The following CACNA2D3 variants were observed in gnomAD, a reference collection of about 807,000 sequenced individuals.
CACNA2D3 encodes the protein voltage-dependent calcium channel subunit alpha-2/delta-3.
In CACNA2D3, 60 loss-of-function variants were observed where a neutral mutation model predicts 160.6. That is an observed-to-expected ratio of 0.37 (90% CI 0.30 to 0.46). The LOEUF is 0.46. Among genes scored for constraint, CACNA2D3 ranks in the 20% least tolerant of loss-of-function variants. The probability of loss-of-function intolerance (pLI) is 1.00; values close to 1 mark genes in which losing one functional copy is unlikely to be tolerated. For synonymous variants in CACNA2D3, 558 were observed against 492.9 expected (o/e 1.13, Z -1.75); for missense variants, 1,205 against 1,365.0 (o/e 0.88, Z 1.85).
chr3:54,828,192 G>A (rs1703785242), intron 14 of CACNA2D3, among the ~76,000 whole-genome samples: 1 of 152,132 alleles, frequency 6.6e-6, no homozygotes, highest in Admixed American at 6.5e-5. Context: ...GTGTTTTCAG[G>A]GCATCTACTT....
Position 54,122,591 on chromosome 3 carries a change from A to G in CACNA2D3, c.-123A>G. 5.2e-6 allele frequency: 2 copies of G among 380,970 alleles called. No homozygotes were observed. Among genetic ancestry groups the G allele is most frequent in the Non-Finnish European group, 7.0e-6 (2 of 286,642 alleles). The allele number at this position is 380,970 out of a possible 1,614,324, so 23.6% of individuals were successfully genotyped here. ...TCCCCAAGTGAGCCGGGCGCGCGAGAGGCAGGCGGGGCGGCGCGGAGCGGA... is the reference window on the plus strand; with the variant it reads ...TCCCCAAGTGAGCCGGGCGCGCGAGGGGCAGGCGGGGCGGCGCGGAGCGGA... On this transcript the variant is annotated 5_prime_UTR_variant, in exon 1 of 38. Coordinates refer to ENST00000474759, the MANE Select transcript of CACNA2D3 (RefSeq NM_018398.3).
intron 11 of CACNA2D3, among the ~76,000 whole-genome samples, chr3:54,739,673 A>C (rs1486584806): frequency 2.0e-5 from 3 of 151,818 alleles, no homozygotes; most frequent in Admixed American, 2.0e-4. Flanking sequence ...CATGTGTCCT[A>C]TTCAGGGAAA....
chr3:54,304,042 A>C (rs1241674241), intron 2 of CACNA2D3, among the ~76,000 whole-genome samples: 1 of 151,596 alleles, frequency 6.6e-6, no homozygotes, highest in Non-Finnish European at 1.5e-5. Flanking sequence ...CAACCTCTGG[A>C]CTCTTGACAT....
At chr3:54,276,317 C>T (rs1702737965) in intron 2 of CACNA2D3, among the ~76,000 whole-genome samples, 1 of 152,134 alleles carries the variant, frequency 6.6e-6, no homozygotes, top group Non-Finnish European at 1.5e-5. Flanking sequence ...CGCCTGTACT[C>T]CCAGCATTTG....
chr3:54,702,746 A>G (rs1472375335), intron 11 of CACNA2D3, among the ~76,000 whole-genome samples: 1 of 152,200 alleles, frequency 6.6e-6, no homozygotes, highest in East Asian at 1.9e-4. Context: ...AGTATACCCA[A>G]AAGAATATAA....
At chr3:54,890,823 A>G (rs1700047275) in intron 24 of CACNA2D3, among the ~76,000 whole-genome samples, 1 of 152,216 alleles carries the variant, frequency 6.6e-6, no homozygotes, top group Non-Finnish European at 1.5e-5. Context: ...GGGCCCCCAC[A>G]ACTGTGTGGA....
chr3:54,491,316 T>A (rs945058907), intron 4 of CACNA2D3, among the ~76,000 whole-genome samples: 3 of 152,176 alleles, frequency 2.0e-5, no homozygotes, highest in African/African-American at 7.2e-5. Context: ...GAATTTAATT[T>A]CCACGCCACA....
chr3:54,259,605 C>T lies in CACNA2D3; in HGVS notation c.205-60837C>T, dbSNP rs140238896. Among the ~76,000 whole-genome samples the T allele has an allele frequency of 1.2e-4, 19 of 152,282 alleles. No individual in the cohort carries two copies. In the East Asian group the frequency reaches 2.7e-3, roughly 22 times the overall value. On this transcript the variant is annotated intron_variant, in intron 2 of 37. Transcript: ENST00000474759. ...AGGATACAGCTGAGCCAAAACCAAG[C>T]CGCTTGTTCCTAGGACTCATGAGGC...
At chr3:54,253,498 A>G (rs1039380762) in intron 2 of CACNA2D3, among the ~76,000 whole-genome samples, 2 of 152,118 alleles carry the variant, frequency 1.3e-5, no homozygotes, top group Non-Finnish European at 2.9e-5. Context: ...AGAACTCACT[A>G]TTGCGAGAAC....
chr3:54,312,224 C>T (rs143479859), intron 2 of CACNA2D3, among the ~76,000 whole-genome samples: 71 of 152,256 alleles, frequency 4.7e-4, no homozygotes, highest in African/African-American at 1.2e-3. Context: ...GCCATCTCCC[C>T]GCCAGGGCCT....
intron 8 of CACNA2D3, among the ~76,000 whole-genome samples, chr3:54,571,612 A>AGTGTGTGTGTGTGTGTGTGT (rs58652360): frequency 1.5e-5 from 2 of 136,214 alleles, no homozygotes; most frequent in Non-Finnish European, 3.2e-5. Context: ...CACTTAACCA[A>AGTGTGTGTGTGTGTGTGTGT]GTGTGTGTGT....
chr3:54,208,340 T>A (rs1168804067), intron 2 of CACNA2D3, among the ~76,000 whole-genome samples: 1 of 152,174 alleles, frequency 6.6e-6, no homozygotes, highest in African/African-American at 2.4e-5. Context: ...ACTCCTGACC[T>A]CAAGTGATCT....
In CACNA2D3 at chr3:54,879,065, G is replaced by C; in HGVS notation, c.1758G>C (p.Glu586Asp). 1 of 1,605,688 alleles carries C rather than the reference G, an allele frequency of 6.2e-7. No individual in the cohort carries two copies. Among genetic ancestry groups the C allele is most frequent in the Non-Finnish European group, 8.5e-7 (1 of 1,176,612 alleles). The change falls in exon 19 of 38, where the codon GAG (glutamate) becomes GAC (aspartate). Residue 586 changes from glutamate to aspartate, a missense_variant. Glu to Asp is a conservative substitution (Grantham distance 45). Transcript: ENST00000474759. ...VNRKTGKFSMEVKKTVDKGKR... is the reference protein window; with the variant it reads ...VNRKTGKFSMDVKKTVDKGKR... ...GAAAGACGGGGAAGTTTTCCATGGA[G>C]GTGAAGAAGACAGTGGACAAAGGGG...
intron 27 of CACNA2D3, among the ~76,000 whole-genome samples, chr3:54,961,933 G>C (rs1702038060): frequency 6.6e-6 from 1 of 152,116 alleles, no homozygotes; most frequent in South Asian, 2.1e-4. Flanking sequence ...GGACTTGCTG[G>C]TGGGGGCTCT....
intron 9 of CACNA2D3, among the ~76,000 whole-genome samples, chr3:54,613,718 G>A (rs1447825573): frequency 6.6e-6 from 1 of 152,136 alleles, no homozygotes; most frequent in Non-Finnish European, 1.5e-5. Context: ...TGCATTTCCA[G>A]GCTCATGGTG....
intron 2 of CACNA2D3, among the ~76,000 whole-genome samples, chr3:54,224,022 C>G (rs1041042918): frequency 5.3e-5 from 8 of 152,080 alleles, no homozygotes; most frequent in Admixed American, 2.6e-4. Flanking sequence ...TATATACTTA[C>G]TGTATATGCT....
At chr3:54,622,746 C>T (rs1051627330) in intron 9 of CACNA2D3, among the ~76,000 whole-genome samples, 3 of 152,178 alleles carry the variant, frequency 2.0e-5, no homozygotes, top group Non-Finnish European at 2.9e-5. Context: ...GGATGCAGGG[C>T]AGTCAGCCAG....
At chr3:54,548,355 C>G (rs1702098645) in intron 5 of CACNA2D3, among the ~76,000 whole-genome samples, 1 of 152,194 alleles carries the variant, frequency 6.6e-6, no homozygotes, top group African/African-American at 2.4e-5. Context: ...AAATACATAA[C>G]TGCTAAAATC....
chr3:54,926,505 TACACACAC>T (rs36205023), intron 27 of CACNA2D3, among the ~76,000 whole-genome samples: 19,592 of 143,276 alleles, frequency 0.14, 1,389 homozygotes, highest in Middle Eastern at 0.22. Context: ...GCCTGTCAAA[TACACACAC>T]ACACACACAC....
Sources: gnomAD v4.1 joint callset for allele counts (sites outside exome capture counted in the v4.1 genomes callset) on GRCh38, gnomAD v4.1.1 for gene constraint, MANE v1.5 for transcripts, NCBI Gene and HGNC (gene_info 2026-07-23, HGNC 2026-07-21) for gene names.